The following DIAPH2 variants were observed in gnomAD, a reference collection of about 807,000 sequenced individuals.
DIAPH2 encodes protein diaphanous homolog 2.
A neutral mutation model predicts 92.7 loss-of-function variants in DIAPH2; 35 were observed. The observed-to-expected ratio is 0.38, with a 90% confidence interval of 0.29 to 0.50. DIAPH2 has a LOEUF of 0.50. DIAPH2 is among the 20% of genes least tolerant of loss of function. DIAPH2 has a pLI of 0.94. For synonymous variants in DIAPH2, 301 were observed against 280.4 expected, an observed-to-expected ratio of 1.07 and a Z score of -0.73; for missense variants, 701 against 819.5, an observed-to-expected ratio of 0.86 and a Z score of 1.77.
intron 1 of DIAPH2, among the ~76,000 whole-genome samples, chrX:96,693,877 A>G (rs2063810827): frequency 8.9e-6 from 1 of 111,904 alleles, no homozygotes; most frequent in Admixed American, 9.5e-5. Context: ...TCTACTAAAA[A>G]TACAAAAATT....
chrX:97,208,140 C>T (rs982220633), intron 22 of DIAPH2, among the ~76,000 whole-genome samples: 2 of 111,642 alleles, frequency 1.8e-5, no homozygotes, highest in East Asian at 2.8e-4. Context: ...CTGTCTCCCC[C>T]CTGCAAGAAA....
intron 25 of DIAPH2, among the ~76,000 whole-genome samples, chrX:97,412,261 A>G (rs1235110527): frequency 4.5e-5 from 5 of 111,938 alleles, no homozygotes; most frequent in African/African-American, 1.6e-4. Flanking sequence ...ACTCAAAACC[A>G]CACAACTACA....
At chrX:96,764,899 T>G (rs907204111) in intron 4 of DIAPH2, among the ~76,000 whole-genome samples, 1 of 111,111 alleles carries the variant, frequency 9.0e-6, no homozygotes, top group African/African-American at 3.3e-5. Context: ...TTAGCTTATT[T>G]TAATAAGGGC....
intron 23 of DIAPH2, among the ~76,000 whole-genome samples, chrX:97,253,718 C>G (rs1180222018): frequency 1.8e-5 from 2 of 110,890 alleles, no homozygotes; most frequent in Admixed American, 1.9e-4. Context: ...CCACTGCACT[C>G]CAACCTGGGC....
At chrX:97,000,808 T>C (rs1319740662) in intron 17 of DIAPH2, among the ~76,000 whole-genome samples, 2 of 111,998 alleles carry the variant, frequency 1.8e-5, no homozygotes, top group Non-Finnish European at 3.8e-5. Context: ...TCAAATTCAA[T>C]GTTCAGTGTG....
intron 23 of DIAPH2, among the ~76,000 whole-genome samples, chrX:97,249,063 ATT>A (rs200923938): frequency 2.0e-5 from 2 of 97,773 alleles, no homozygotes; most frequent in Admixed American, 1.1e-4. Flanking sequence ...TGCTGATTAC[ATT>A]TTTTTTTTTT....
intron 4 of DIAPH2, among the ~76,000 whole-genome samples, chrX:96,778,716 TA>T (rs1289035842): frequency 5.4e-5 from 6 of 111,059 alleles, no homozygotes; most frequent in South Asian, 3.7e-4. Flanking sequence ...GTCCTAGACT[TA>T]AAAAAAAATT....
intron 17 of DIAPH2, among the ~76,000 whole-genome samples, chrX:97,008,912 G>A (rs747052385): frequency 9.0e-6 from 1 of 111,106 alleles, no homozygotes; most frequent in Non-Finnish European, 1.9e-5. Context: ...CAAGGCGTAT[G>A]GTAAACACTG....
chrX:96,890,778 G>A (rs1429359818), intron 5 of DIAPH2, among the ~76,000 whole-genome samples: 1 of 112,126 alleles, frequency 8.9e-6, no homozygotes, highest in Admixed American at 9.5e-5. Context: ...AAGGCTCTAA[G>A]AAAGTCATTT....
At chrX:97,223,661 T>C (rs1426787053) in intron 22 of DIAPH2, among the ~76,000 whole-genome samples, 1 of 111,632 alleles carries the variant, frequency 9.0e-6, no homozygotes. Flanking sequence ...GGGCAATTGA[T>C]ATTTAATAAA....
At chrX:97,288,565 A>AC (rs2068564450) in intron 23 of DIAPH2, among the ~76,000 whole-genome samples, 1 of 110,084 alleles carries the variant, frequency 9.1e-6, no homozygotes, top group South Asian at 3.9e-4. Flanking sequence ...AACATGGTGA[A>AC]CCCCATCTCT....
At chrX:97,242,763 C>T (rs933116103) in intron 22 of DIAPH2, among the ~76,000 whole-genome samples, 2 of 110,301 alleles carry the variant, frequency 1.8e-5, no homozygotes, top group Admixed American at 1.9e-4. Flanking sequence ...TGGCACCCCA[C>T]TGCAAATTTT....
At chrX:96,962,230 T>G (rs1215050687) in intron 16 of DIAPH2, among the ~76,000 whole-genome samples, 1 of 96,469 alleles carries the variant, frequency 1.0e-5, no homozygotes, top group Non-Finnish European at 2.0e-5. Flanking sequence ...TATTTTGACA[T>G]GTTACATCCT....
chrX:97,512,227 T>C (rs2070901596), intron 26 of DIAPH2, among the ~76,000 whole-genome samples: 2 of 113,664 alleles, frequency 1.8e-5, no homozygotes, highest in South Asian at 6.9e-4. Flanking sequence ...TTCTTCCTGG[T>C]TTAGTCTTGG....
At chrX:96,705,957 A>G (rs2063883397) in intron 1 of DIAPH2, among the ~76,000 whole-genome samples, 1 of 112,372 alleles carries the variant, frequency 8.9e-6, no homozygotes, top group Non-Finnish European at 1.9e-5. Context: ...AGTTTGCAAA[A>G]TGGCAGCCCT....
intron 26 of DIAPH2, among the ~76,000 whole-genome samples, chrX:97,489,532 A>T (rs1166599818): frequency 1.0e-4 from 11 of 110,446 alleles, no homozygotes; most frequent in African/African-American, 3.6e-4. Context: ...GAGAAGAAAA[A>T]CTTTGTGTTT....
chrX:96,962,288 TATATATATATAC>T (rs1230625817), intron 16 of DIAPH2, among the ~76,000 whole-genome samples: 22 of 63,492 alleles, frequency 3.5e-4, no homozygotes, highest in African/African-American at 5.6e-4. Context: ...TATATATACA[TATATATATATAC>T]ATATATATAT....
intron 4 of DIAPH2, among the ~76,000 whole-genome samples, chrX:96,788,324 T>C (rs1355257436): frequency 8.9e-6 from 1 of 111,921 alleles, no homozygotes; most frequent in Non-Finnish European, 1.9e-5. Flanking sequence ...ATGATAATAA[T>C]TTATTTACTT....
chrX:97,075,201 A>C lies in DIAPH2; in HGVS notation c.2187A>C (p.Glu729Asp). The C allele has an allele frequency of 8.4e-7, 1 of 1,192,148 alleles. No homozygotes were observed. Among genetic ancestry groups the C allele is most frequent in the Non-Finnish European group, 1.1e-6 (1 of 884,862 alleles). Residue 729 changes from glutamate (E) to aspartate (D), a missense_variant, in exon 19 of 27, where the codon GAA (glutamate) becomes GAC (aspartate). By Grantham distance (45) the Glu-to-Asp change is conservative (BLOSUM62 2). Transcript: ENST00000324765. Reference sequence around the variant, plus strand: ...TGGGATCATATCGCATGCCATATGAAGACATAAGAAACGTTATTCTGGAGG... The same window carrying C: ...TGGGATCATATCGCATGCCATATGACGACATAAGAAACGTTATTCTGGAGG... ...IFLGSYRMPY[E>D]DIRNVILEVN...
Sources: allele counts gnomAD v4.1 joint callset (sites outside exome capture counted in the v4.1 genomes callset), GRCh38; gene constraint gnomAD v4.1.1; transcripts MANE v1.5; gene names NCBI Gene and HGNC (gene_info 2026-07-23, HGNC 2026-07-21).